The following LMO3 variants were observed in gnomAD, a reference collection of about 807,000 sequenced individuals.
The protein encoded by LMO3 is LIM domain only 3, also known as LIM domain only protein 3.
In LMO3, 2 loss-of-function variants were observed where a neutral mutation model predicts 15.8. The ratio of observed to expected loss-of-function variants is 0.13; its 90% CI spans 0.05 to 0.40. The LOEUF (loss-of-function observed/expected upper bound fraction) is 0.40. Ranked by LOEUF, LMO3 falls within the 10% of genes least tolerant of loss-of-function variation. The probability of loss-of-function intolerance (pLI) is 0.99; values close to 1 mark genes in which losing one functional copy is unlikely to be tolerated. For missense variants in LMO3, 86 were observed against 182.2 expected, an observed-to-expected ratio of 0.47 and a Z score of 3.04; for synonymous variants, 62 against 63.8, an observed-to-expected ratio of 0.97 and a Z score of 0.13.
chr12:16,609,483 A>C (rs1016587021), upstream of LMO3, among the ~76,000 whole-genome samples: 1 of 152,174 alleles, frequency 6.6e-6, no homozygotes, highest in African/African-American at 2.4e-5. Flanking sequence ...GGATTGCTAT[A>C]AAGAGCCAGA....
At chr12:16,553,253 C>T (rs886706423) in intron 3 of LMO3, among the ~76,000 whole-genome samples, 1 of 151,998 alleles carries the variant, frequency 6.6e-6, no homozygotes, top group Non-Finnish European at 1.5e-5. Context: ...GTAGTTAAAA[C>T]GTTTATAGTA....
Position 16,583,046 on chromosome 12 carries a change from CAAAAA to C in LMO3, c.206+17604_206+17608del, listed in dbSNP as rs55665813. On this transcript the variant is annotated intron_variant, in intron 2 of 3. Coordinates refer to ENST00000537304, the MANE Select transcript of LMO3 (RefSeq NM_018640.5). ...TGGGTGACAGTGCGAGACTCCGCCT[CAAAAA>C]AAAAAAAAAAAAAAATCTAAACTGT... 9.5e-3 allele frequency among the ~76,000 whole-genome samples: 1,209 copies of C among 126,710 alleles called. 18 individuals carry two copies. The highest frequency in any genetic ancestry group is 0.032 in the African/African-American group (1,044 of 33,024). 83.1% of individuals were successfully genotyped at this position (126,710 alleles called of 152,430 possible).
In LMO3 at chr12:16,586,430, C is replaced by T. The variant is rs1400272518; in HGVS notation, c.206+14225G>A. 6.6e-6 allele frequency among the ~76,000 whole-genome samples: 1 copy of T among 152,116 alleles called. No homozygotes were observed. The highest frequency in any genetic ancestry group is 1.9e-4 in the East Asian group (1 of 5,188). On this transcript the variant is annotated intron_variant, in intron 2 of 3. Coordinates refer to ENST00000537304, the MANE Select transcript of LMO3 (RefSeq NM_018640.5). This position sits in a 1 kb window ranked among gnomAD's most constrained non-coding sequence, Gnocchi z 4.3. ...CCCAGCAAGGCTTTCTGGTTCTCCT[C>T]CAACACACAGCTGAGTCACAGAGGC...
Position 16,551,186 on chromosome 12 carries a change from A to G in LMO3, c.*36T>C, listed in dbSNP as rs1022038410. The G allele has an allele frequency of 9.6e-6, 12 of 1,255,838 alleles. No individual in the cohort carries two copies. The highest frequency in any genetic ancestry group is 8.8e-5 in the African/African-American group (6 of 67,892). The allele number at this position is 1,255,838 out of a possible 1,614,324, so 77.8% of individuals were successfully genotyped here. Reference sequence around the variant, plus strand: ...TGGAGCAAAAAAGATAAAAGAATGTAGTGCTTTGTATTCTTAATGGGGTGA... The same window carrying G: ...TGGAGCAAAAAAGATAAAAGAATGTGGTGCTTTGTATTCTTAATGGGGTGA... On this transcript the variant is annotated 3_prime_UTR_variant, in exon 4 of 4. Coordinates refer to ENST00000537304, the MANE Select transcript of LMO3 (RefSeq NM_018640.5).
chr12:16,569,287 C>G (rs1476896059), intron 2 of LMO3, among the ~76,000 whole-genome samples: 1 of 152,150 alleles, frequency 6.6e-6, no homozygotes, highest in Non-Finnish European at 1.5e-5. Flanking sequence ...TTCCTTCTCA[C>G]TATACTTCTT....
chr12:16,567,009 A>T (rs543724123), intron 2 of LMO3, among the ~76,000 whole-genome samples: 2 of 152,336 alleles, frequency 1.3e-5, no homozygotes, highest in Admixed American at 1.3e-4. Context: ...AGCCTGGCCA[A>T]TATGGCAAAA....
chr12:16,592,788 G>C (rs1235927257), intron 2 of LMO3, among the ~76,000 whole-genome samples: 1 of 151,682 alleles, frequency 6.6e-6, no homozygotes, highest in African/African-American at 2.4e-5. Context: ...CACTATCCTA[G>C]AGATGGAAAA....
chr12:16,557,269 C>T (rs1591771072), intron 3 of LMO3, among the ~76,000 whole-genome samples: 1 of 151,728 alleles, frequency 6.6e-6, no homozygotes, highest in Non-Finnish European at 1.5e-5. Flanking sequence ...CTGCCTACTT[C>T]TCTAAAAGAA....
At chr12:16,567,221 CAAA>C (rs1942649355) in intron 2 of LMO3, among the ~76,000 whole-genome samples, 1 of 151,810 alleles carries the variant, frequency 6.6e-6, no homozygotes, top group African/African-American at 2.4e-5. Flanking sequence ...AACAAACAAA[CAAA>C]CAAAAAACTA....
At position 16,597,925 on chromosome 12, in the gene LMO3, T is replaced by C. The variant is rs919463931; in HGVS notation, c.206+2730A>G. The stretch of plus-strand genomic sequence containing the variant: ...TTCACTGATTATATTACAGATTCTA[T>C]GTAATTAAATAAACAATTAGATAGT... On this transcript the variant is annotated intron_variant, in intron 2 of 3. Coordinates refer to ENST00000537304, the MANE Select transcript of LMO3 (RefSeq NM_018640.5). This position sits in a 1 kb window ranked among gnomAD's most constrained non-coding sequence, Gnocchi z 5.0. 5 of 152,040 alleles carry C rather than the reference T, an allele frequency of 3.3e-5. No individual in the cohort carries two copies. Among genetic ancestry groups the C allele is most frequent in the African/African-American group, 9.7e-5 (4 of 41,446 alleles). The allele number at this position is 152,040 out of a possible 1,614,324, so 9.4% of individuals were successfully genotyped here.
chr12:16,602,751 AC>A (rs1467080881), intron 1 of LMO3, among the ~76,000 whole-genome samples: 2 of 152,202 alleles, frequency 1.3e-5, no homozygotes, highest in African/African-American at 4.8e-5. Context: ...GCAAGGTTCC[AC>A]AAGGAGTGAA....
At position 16,598,886 on chromosome 12, in the gene LMO3, T is replaced by C; in HGVS notation, c.206+1769A>G. ...TTTCAAGTTTACTTAATTTTTGTCC[T>C]TTGGTTTATTAAAACACCTTAACAT... On this transcript the variant is annotated intron_variant, in intron 2 of 3. Transcript: ENST00000537304. The surrounding 1 kb of genome is among the most constrained non-coding windows in gnomAD (Gnocchi z 4.3). 1 of 285,226 alleles carries C rather than the reference T, an allele frequency of 3.5e-6. No homozygotes were observed. The highest frequency in any genetic ancestry group is 7.2e-6 in the Non-Finnish European group (1 of 138,374). The allele number at this position is 285,226 out of a possible 1,614,324, so 17.7% of individuals were successfully genotyped here. A position where few individuals can be genotyped will look rare whatever the true frequency, so the allele number is the denominator to read the frequency against.
intron 2 of LMO3, among the ~76,000 whole-genome samples, chr12:16,570,799 C>T (rs1275808224): frequency 6.6e-6 from 1 of 152,126 alleles, no homozygotes; most frequent in Non-Finnish European, 1.5e-5. Context: ...AAAAAGTTAT[C>T]AAATCACTTA....
At chr12:16,606,681 A>C (rs1020268783), upstream of LMO3, 1 of 151,972 alleles carries the variant, frequency 6.6e-6, no homozygotes, top group African/African-American at 2.4e-5. Flanking sequence ...CTTTGTTGCT[A>C]ATTTCCCAGG....
At chr12:16,570,507 G>A (rs1378145931) in intron 2 of LMO3, among the ~76,000 whole-genome samples, 1 of 151,966 alleles carries the variant, frequency 6.6e-6, no homozygotes, top group African/African-American at 2.4e-5. Flanking sequence ...AAATGATCAT[G>A]GTCATTTTGT....
intron 2 of LMO3, among the ~76,000 whole-genome samples, chr12:16,572,496 T>G (rs1942851087): frequency 1.3e-5 from 2 of 150,104 alleles, no homozygotes; most frequent in African/African-American, 4.9e-5. Context: ...TTATTTGAAG[T>G]ACTTCTTAGA....
intron 3 of LMO3, among the ~76,000 whole-genome samples, chr12:16,557,395 T>C (rs1428747974): frequency 6.6e-6 from 1 of 151,502 alleles, no homozygotes; most frequent in Non-Finnish European, 1.5e-5. Flanking sequence ...TAAACGTAAT[T>C]CCTAGTGTTT....
chr12:16,568,944 A>AT (rs1394414288), intron 2 of LMO3, among the ~76,000 whole-genome samples: 2 of 152,106 alleles, frequency 1.3e-5, no homozygotes, highest in East Asian at 1.9e-4. Flanking sequence ...GGCCAGAGAC[A>AT]TTTTTTTCTA....
chr12:16,594,846 T>C (rs1292037370), intron 2 of LMO3, among the ~76,000 whole-genome samples: 1 of 151,612 alleles, frequency 6.6e-6, no homozygotes, highest in Non-Finnish European at 1.5e-5. Context: ...GTTTATGTAG[T>C]CAAAACACAC....
Sources: allele counts gnomAD v4.1 joint callset (sites outside exome capture counted in the v4.1 genomes callset), GRCh38; gene constraint gnomAD v4.1.1; non-coding constraint Gnocchi (gnomAD v3.1); transcripts MANE v1.5; gene names NCBI Gene and HGNC (gene_info 2026-07-23, HGNC 2026-07-21).